Variants in PIGU observed in about 807,000 individuals in gnomAD.
PIGU encodes the protein GPI-anchor transamidase component PIGU.
In PIGU, 24 loss-of-function variants were observed where a neutral mutation model predicts 49.9. The ratio of observed to expected loss-of-function variants is 0.48; its 90% CI spans 0.35 to 0.68. The LOEUF (loss-of-function observed/expected upper bound fraction) is 0.68. PIGU is among the 30% of genes least tolerant of loss of function. The pLI, the probability that PIGU is intolerant of heterozygous loss-of-function variation, is 0.01. For missense variants in PIGU, 490 were observed against 532.6 expected (o/e 0.92, Z 0.79); for synonymous variants, 220 against 205.7 (o/e 1.07, Z -0.59).
intron 9 of PIGU, among the ~76,000 whole-genome samples, chr20:34,584,054 C>T (rs976848072): frequency 2.6e-5 from 4 of 152,122 alleles, no homozygotes; most frequent in East Asian, 1.9e-4. Flanking sequence ...GCAATCTCTC[C>T]GGAGCTTGGC....
Position 34,671,462 on chromosome 20 carries a change from C to T in PIGU, c.130+5494G>A, listed in dbSNP as rs1028475712. Among the ~76,000 whole-genome samples the T allele has an allele frequency of 2.0e-5, 3 of 151,938 alleles. No individual in the cohort carries two copies. The South Asian group carries it at 6.2e-4, about 32-fold the overall frequency. On this transcript the variant is annotated intron_variant, in intron 1 of 11. Coordinates refer to ENST00000217446, the MANE Select transcript of PIGU (RefSeq NM_080476.5). ...TTTTTTAGTAGAGACAGGGTTTCTC[C>T]ATGTCGGTCAGGCTAGTCCCGAACT...
At chr20:34,603,671 A>T (rs1257641799) in intron 7 of PIGU, among the ~76,000 whole-genome samples, 1 of 152,158 alleles carries the variant, frequency 6.6e-6, no homozygotes, top group Non-Finnish European at 1.5e-5. Context: ...ATAAACTTTC[A>T]TGTTATCTGT....
At position 34,581,584 on chromosome 20, in the gene PIGU, T is replaced by C. The variant is rs1044034598; in HGVS notation, c.1015A>G (p.Met339Val). The change falls in exon 10 of 12, where the codon ATG becomes GTG. Residue 339 changes from methionine to valine, a missense_variant. By Grantham distance (21) the Met-to-Val change is conservative. Coordinates refer to ENST00000217446, the MANE Select transcript of PIGU (RefSeq NM_080476.5). ...YPTVGDVALY[M>V]AFFPVWNHLY... is the part of the protein sequence containing the mutation. ...TGGTTCCACACGGGGAAGAAGGCCATGTAGAGCGCCACGTCCCCCACTGTC... is the reference window on the plus strand; with the variant it reads ...TGGTTCCACACGGGGAAGAAGGCCACGTAGAGCGCCACGTCCCCCACTGTC... The C allele has an allele frequency of 3.7e-6, 6 of 1,613,748 alleles. No individual in the cohort carries two copies. The highest frequency in any genetic ancestry group is 3.3e-5 in the Admixed American group (2 of 59,976).
chr20:34,645,377 C>G, intron 2 of PIGU, 43 bp from the exon 3 acceptor site: 1 of 1,531,272 alleles, frequency 6.5e-7, no homozygotes, highest in South Asian at 1.3e-5. Flanking sequence ...TAAGTTAAAC[C>G]TTACTATTAT....
chr20:34,622,040 T>C (rs995052778), intron 6 of PIGU, among the ~76,000 whole-genome samples: 1 of 151,970 alleles, frequency 6.6e-6, no homozygotes, highest in Non-Finnish European at 1.5e-5. Context: ...ATTAGCTCAA[T>C]ATAGCCAAAA....
At chr20:34,650,700 C>CTTTTTTTTT (rs59998699) in intron 2 of PIGU, among the ~76,000 whole-genome samples, 586 of 38,788 alleles carry the variant, frequency 0.015, 171 homozygotes, top group Middle Eastern at 0.025. Context: ...CTTTTTTTCT[C>CTTTTTTTTT]TTTTTTTTTT....
intron 1 of PIGU, among the ~76,000 whole-genome samples, chr20:34,672,505 A>G (rs948706624): frequency 6.6e-6 from 1 of 152,082 alleles, no homozygotes; most frequent in Non-Finnish European, 1.5e-5. Context: ...GAATTGGTAT[A>G]TGACCCAAAT....
At chr20:34,640,983 T>A (rs1184163397) in intron 4 of PIGU, among the ~76,000 whole-genome samples, 3 of 152,184 alleles carry the variant, frequency 2.0e-5, no homozygotes, top group Non-Finnish European at 2.9e-5. Context: ...AACCTCCGCC[T>A]CCCGGGTTCA....
rs34170509 is a variant in PIGU at position 34,648,251 on chromosome 20, CAA to C, written c.196-2919_196-2918del. Among the ~76,000 whole-genome samples, 189 of 88,830 alleles carry C rather than the reference CAA, an allele frequency of 2.1e-3. 1 individual carries two copies. The highest frequency in any genetic ancestry group is 0.012 in the Middle Eastern group (2 of 162). The allele number at this position is 88,830 out of a possible 152,430, so 58.3% of individuals were successfully genotyped here. A position where few individuals can be genotyped will look rare whatever the true frequency, so the allele number is the denominator to read the frequency against. ...TGGGCAACAAAGTGAGACCCTGTCT[CAA>C]AAAAAAAAAAAAAAAAAAAATCCCC... On this transcript the variant is annotated intron_variant, in intron 2 of 11. Transcript: ENST00000217446.
chr20:34,620,405 G>A (rs943209393), intron 6 of PIGU, among the ~76,000 whole-genome samples: 2 of 152,128 alleles, frequency 1.3e-5, no homozygotes, highest in African/African-American at 4.8e-5. Context: ...CAGGTGAAAG[G>A]TCACTTTGTC....
At chr20:34,624,362 T>G (rs1985372635) in intron 6 of PIGU, among the ~76,000 whole-genome samples, 1 of 152,172 alleles carries the variant, frequency 6.6e-6, no homozygotes, top group African/African-American at 2.4e-5. Flanking sequence ...TTGCCCAAGG[T>G]GATAGAGCCA....
chr20:34,655,937 T>A (rs1225389946), intron 2 of PIGU, among the ~76,000 whole-genome samples: 1 of 117,934 alleles, frequency 8.5e-6, no homozygotes. Flanking sequence ...CAAGAGATAA[T>A]CTGGACCTAA....
At position 34,585,428 on chromosome 20, in the gene PIGU, G is replaced by C. The variant is rs1174632851; in HGVS notation, c.926+9C>G. ...TGTACACACAGCAGCAGCAGGTCCA[G>C]CCACTTACTTTAGCTTTATGGCTAA... On this transcript the variant is annotated intron_variant, in intron 9 of 11. Coordinates refer to ENST00000217446, the MANE Select transcript of PIGU (RefSeq NM_080476.5). 6.2e-7 allele frequency: 1 copy of C among 1,613,846 alleles called. No individual in the cohort carries two copies. Among genetic ancestry groups the C allele is most frequent in the African/African-American group, 1.3e-5 (1 of 74,938 alleles).
In PIGU at chr20:34,642,693, CAT is replaced by C. The variant is rs11472795; in HGVS notation, c.318+1469_318+1470del. Reference sequence around the variant, plus strand: ...TATATATATGCACACACACATATCTCATATATATATATATATATATGCACACA... The same window carrying C: ...TATATATATGCACACACACATATCTCATATATATATATATATATGCACACA... On this transcript the variant is annotated intron_variant, in intron 4 of 11. Coordinates refer to ENST00000217446, the MANE Select transcript of PIGU (RefSeq NM_080476.5). Among the ~76,000 whole-genome samples, 1,163 of 120,196 alleles carry C rather than the reference CAT, an allele frequency of 9.7e-3. 19 individuals carry two copies. Among genetic ancestry groups the C allele is most frequent in the African/African-American group, 0.032 (1,045 of 32,332 alleles). 78.9% of individuals were successfully genotyped at this position (120,196 alleles called of 152,430 possible). A position where few individuals can be genotyped will look rare whatever the true frequency, so the allele number is the denominator to read the frequency against.
At chr20:34,641,734 AC>A (rs1986171373) in intron 4 of PIGU, among the ~76,000 whole-genome samples, 2 of 152,164 alleles carry the variant, frequency 1.3e-5, no homozygotes, top group East Asian at 3.9e-4. Flanking sequence ...TGCGATATGA[AC>A]CCTTCTGACA....
At chr20:34,639,745 C>T (rs1822295851) in intron 4 of PIGU, among the ~76,000 whole-genome samples, 1 of 152,196 alleles carries the variant, frequency 6.6e-6, no homozygotes, top group Admixed American at 6.5e-5. Context: ...CAACAAACTT[C>T]AAAAACCTCC....
intron 11 of PIGU, among the ~76,000 whole-genome samples, chr20:34,566,383 C>T (rs902554729): frequency 6.6e-6 from 1 of 152,210 alleles, no homozygotes; most frequent in Non-Finnish European, 1.5e-5. Flanking sequence ...AGGGACGGCT[C>T]GGTCCACATT....
chr20:34,671,936 A>T (rs537411986), intron 1 of PIGU, among the ~76,000 whole-genome samples: 23 of 151,746 alleles, frequency 1.5e-4, no homozygotes, highest in East Asian at 3.9e-4. Context: ...AAAAAAAAAA[A>T]TTTTCTTTTT....
intron 10 of PIGU, among the ~76,000 whole-genome samples, chr20:34,579,781 A>T (rs1480540385): frequency 6.6e-6 from 1 of 152,116 alleles, no homozygotes; most frequent in Non-Finnish European, 1.5e-5. Flanking sequence ...GTGCCTCCTC[A>T]CCCCAGAGGG....
Sources: gnomAD v4.1 joint callset for allele counts (sites outside exome capture counted in the v4.1 genomes callset) on GRCh38, gnomAD v4.1.1 for gene constraint, MANE v1.5 for transcripts, NCBI Gene and HGNC (gene_info 2026-07-23, HGNC 2026-07-21) for gene names.